Variants in TTC7A observed in about 807,000 individuals in gnomAD.
TTC7A encodes tetratricopeptide repeat protein 7A.
TTC7A carries 110 observed loss-of-function variants against 103.7 expected under a neutral mutation model. That is an observed-to-expected ratio of 1.06 (90% CI 0.91 to 1.24). TTC7A has a LOEUF of 1.24. Among genes scored for constraint, TTC7A ranks in the 50% most tolerant of loss-of-function variants. TTC7A has a pLI of 0.00. For synonymous variants in TTC7A, 521 were observed against 467.9 expected (o/e 1.11, Z -1.47); for missense variants, 1,340 against 1,116.3 (o/e 1.20, Z -2.86).
intron 11 of TTC7A, among the ~76,000 whole-genome samples, chr2:47,017,615 C>A (rs1678812717): frequency 1.3e-5 from 2 of 152,202 alleles, no homozygotes; most frequent in Admixed American, 1.3e-4. Context: ...GTGTATTACC[C>A]ACAGTGGGGT....
At chr2:46,922,121 T>C (rs1209770957) in intron 2 of TTC7A, among the ~76,000 whole-genome samples, 1 of 152,078 alleles carries the variant, frequency 6.6e-6, no homozygotes, top group East Asian at 1.9e-4. Context: ...AGCGTGCCCT[T>C]GAGCAGGCTG....
At chr2:46,999,237 A>T (rs111953607) in intron 8 of TTC7A, among the ~76,000 whole-genome samples, 1 of 151,200 alleles carries the variant, frequency 6.6e-6, no homozygotes, top group African/African-American at 2.4e-5. Flanking sequence ...CCACCCACCA[A>T]CCATGCATCC....
Position 47,005,924 on chromosome 2 carries a change from A to C in TTC7A, c.1068A>C (p.Ala356=). 3.1e-6 allele frequency: 5 copies of C among 1,614,100 alleles called. No homozygotes were observed. Among genetic ancestry groups the C allele is most frequent in the Non-Finnish European group, 4.2e-6 (5 of 1,180,020 alleles). Residue 356 remains alanine (A), a splice_region_variant and synonymous_variant, in exon 9 of 20, where the codon GCA becomes GCC. Transcript: ENST00000319190. ...LLLLLISESM[A]TRDVVLSRVP... is the part of the protein sequence containing the mutation. ...CCCAAACAATGTCCCACCCACAGGC[A>C]ACTCGAGATGTGGTGCTGAGCCGGG...
chr2:47,013,519 T>A lies in TTC7A; in HGVS notation c.1392+2084T>A, dbSNP rs532510155. Among the ~76,000 whole-genome samples, 131 of 152,040 alleles carry A rather than the reference T, an allele frequency of 8.6e-4. 2 individuals carry two copies. The South Asian group carries it at 0.025, about 29-fold the overall frequency. ...CCCAAAATACCCATCTCTGAGGGGG[T>A]GTAGCGGGGGAGGGCATCTGTGCCC... On this transcript the variant is annotated intron_variant, in intron 11 of 19. Coordinates refer to ENST00000319190, the MANE Select transcript of TTC7A (RefSeq NM_020458.4).
At position 47,060,913 on chromosome 2, in the gene TTC7A, A is replaced by G. The variant is rs759642114; in HGVS notation, c.2297A>G (p.Gln766Arg). Residue 766 changes from glutamine to arginine, a missense_variant, in exon 19 of 20, where the codon CAG (glutamine) becomes CGG (arginine). By Grantham distance (43) the Gln-to-Arg change is conservative. Transcript: ENST00000319190. ...AAGGGCAACCTGGAGGAGGCCAAGC[A>G]GCTGTACAAGGAGGCGCTCACGGTG... is the stretch of plus-strand genomic sequence containing the variant. ...EVKGNLEEAK[Q>R]LYKEALTVNP... The G allele has an allele frequency of 1.2e-6, 2 of 1,614,056 alleles. No individual in the cohort carries two copies. The highest frequency in any genetic ancestry group is 2.7e-5 in the African/African-American group (2 of 74,934).
chr2:46,998,102 A>T (rs1389198559), intron 8 of TTC7A, among the ~76,000 whole-genome samples: 1 of 151,878 alleles, frequency 6.6e-6, no homozygotes, highest in Non-Finnish European at 1.5e-5. Context: ...GTCCTGGGAG[A>T]TTCCCTGTGG....
chr2:46,995,756 A>G (rs1301387454), intron 8 of TTC7A, among the ~76,000 whole-genome samples: 1 of 152,260 alleles, frequency 6.6e-6, no homozygotes, highest in Non-Finnish European at 1.5e-5. Flanking sequence ...TTTATTGAGC[A>G]TCTACTTTGT....
intron 16 of TTC7A, chr2:47,047,144 C>T: frequency 3.2e-6 from 2 of 634,602 alleles, no homozygotes. Flanking sequence ...GAAAGTGGGC[C>T]TCCTTCAGGT....
intron 1 of TTC7A, among the ~76,000 whole-genome samples, chr2:46,943,597 C>T (rs1304733005): frequency 6.6e-6 from 1 of 152,222 alleles, no homozygotes; most frequent in Admixed American, 6.5e-5. Context: ...AAATGCCTCC[C>T]AAAGCCCATG....
intron 11 of TTC7A, among the ~76,000 whole-genome samples, chr2:47,016,280 A>G (rs1678647579): frequency 1.3e-5 from 2 of 152,234 alleles, no homozygotes; most frequent in Non-Finnish European, 2.9e-5. Context: ...AGGGTCAGAG[A>G]GGAGAAAAAT....
intron 1 of TTC7A, among the ~76,000 whole-genome samples, chr2:46,947,235 C>T (rs1339230791): frequency 6.6e-6 from 1 of 152,106 alleles, no homozygotes; most frequent in Non-Finnish European, 1.5e-5. Flanking sequence ...AACAATATTG[C>T]ATATCTTTAT....
intron 11 of TTC7A, among the ~76,000 whole-genome samples, chr2:47,014,204 A>G (rs1436879952): frequency 6.6e-6 from 1 of 152,102 alleles, no homozygotes; most frequent in Admixed American, 6.5e-5. Context: ...CTCACTTGCC[A>G]TGTCTTGCAC....
chr2:46,958,640 TTGCCTGCCTCCTCTC>T (rs1333444033), intron 3 of TTC7A: 17 of 924,948 alleles, frequency 1.8e-5, no homozygotes, highest in Non-Finnish European at 2.4e-5. Context: ...GGCCTCCCCT[TTGCCTGCCTCCTCTC>T]TGCCTGTCCT....
intron 3 of TTC7A, among the ~76,000 whole-genome samples, chr2:46,960,597 T>G (rs1241560165): frequency 6.6e-6 from 1 of 152,248 alleles, no homozygotes; most frequent in Non-Finnish European, 1.5e-5. Context: ...TCCCAGGTGA[T>G]GTACACGCAC....
In TTC7A at chr2:47,051,889, C is replaced by A. The variant is rs1383429766; in HGVS notation, c.2152+9C>A. ...GATCTGGCTGCAGGCTGGTGAGTGC[C>A]CTGGTCCCAGTGACACACACAGCCT... On this transcript the variant is annotated intron_variant, in intron 18 of 19. Coordinates refer to ENST00000319190, the MANE Select transcript of TTC7A (RefSeq NM_020458.4). The A allele has an allele frequency of 1.9e-6, 3 of 1,603,800 alleles. No homozygotes were observed. Among genetic ancestry groups the A allele is most frequent in the Middle Eastern group, 2.1e-4 (1 of 4,708 alleles).
chr2:46,924,650 A>G (rs187540020), intron 2 of TTC7A, among the ~76,000 whole-genome samples: 306 of 152,032 alleles, frequency 2.0e-3, no homozygotes, highest in Middle Eastern at 6.8e-3. Flanking sequence ...CCCTGGAGAT[A>G]GGGTCTTGCT....
At chr2:47,009,919 AG>A (rs1677858772) in intron 10 of TTC7A, among the ~76,000 whole-genome samples, 1 of 71,224 alleles carries the variant, frequency 1.4e-5, no homozygotes, top group Non-Finnish European at 3.0e-5. Flanking sequence ...TGGGGGGGAC[AG>A]GGGAGGGGGC....
At chr2:46,990,220 C>G (rs547366470) in intron 5 of TTC7A, among the ~76,000 whole-genome samples, 16 of 152,366 alleles carry the variant, frequency 1.1e-4, no homozygotes, top group African/African-American at 3.8e-4. Context: ...ACTTAGTTTG[C>G]TGCAGTCTGT....
chr2:47,055,946 C>T (rs1016012181), intron 18 of TTC7A, among the ~76,000 whole-genome samples: 1 of 151,678 alleles, frequency 6.6e-6, no homozygotes. Context: ...TCCTGCCCCC[C>T]TCCTGTCTTC....
Sources: gnomAD v4.1 joint callset for allele counts (sites outside exome capture counted in the v4.1 genomes callset) on GRCh38, gnomAD v4.1.1 for gene constraint, MANE v1.5 for transcripts, NCBI Gene and HGNC (gene_info 2026-07-23, HGNC 2026-07-21) for gene names.